FAAH2: variants seen among roughly 807,000 people sequenced by gnomAD.
FAAH2 encodes the protein fatty acid amide hydrolase 2, also known as fatty-acid amide hydrolase 2.
Under a neutral mutation model 36.9 loss-of-function variants are expected in FAAH2, and 60 were observed. That is an observed-to-expected ratio of 1.63 (90% confidence interval 1.32 to 2.02). FAAH2 has a LOEUF of 2.02. FAAH2 is among the 30% of genes most tolerant of loss of function. The probability of loss-of-function intolerance (pLI) is 0.00; values close to 1 mark genes in which losing one functional copy is unlikely to be tolerated. For synonymous variants in FAAH2, 214 were observed against 143.8 expected (o/e 1.49, Z -3.49); for missense variants, 689 against 397.5 (o/e 1.73, Z -6.23).
intron 7 of FAAH2, among the ~76,000 whole-genome samples, chrX:57,389,577 A>G: frequency 9.1e-6 from 1 of 110,204 alleles, no homozygotes; most frequent in African/African-American, 3.3e-5. Context: ...AGGCTGAATA[A>G]TATTCCAGTG....
the FAAH2 span, among the ~76,000 whole-genome samples, chrX:57,188,960 G>A: frequency 9.0e-6 from 1 of 111,404 alleles, no homozygotes; most frequent in Non-Finnish European, 1.9e-5. Context: ...AGTTCTCCTG[G>A]ATAATATCCT....
the FAAH2 span, among the ~76,000 whole-genome samples, chrX:57,254,727 G>T: frequency 1.8e-5 from 2 of 111,850 alleles, no homozygotes; most frequent in Admixed American, 1.9e-4. Context: ...TGAAACCAAT[G>T]AGAACAAAGA....
the FAAH2 span, among the ~76,000 whole-genome samples, chrX:57,124,102 G>A: frequency 3.4e-3 from 380 of 111,517 alleles, 3 homozygotes; most frequent in African/African-American, 0.012. Flanking sequence ...GAATGATATT[G>A]CCTAGGTTTT....
At chrX:57,247,341 T>A in the FAAH2 span, among the ~76,000 whole-genome samples, 3 of 111,958 alleles carry the variant, frequency 2.7e-5, no homozygotes, top group Non-Finnish European at 5.6e-5. Context: ...CAAACAGGCT[T>A]CCACTCAAGA....
intron 5 of FAAH2, among the ~76,000 whole-genome samples, chrX:57,361,826 AG>A (rs2054293242): frequency 9.0e-6 from 1 of 111,692 alleles, no homozygotes; most frequent in Non-Finnish European, 1.9e-5. Context: ...CTTATATGAC[AG>A]TTCTAGTGGT....
the FAAH2 span, among the ~76,000 whole-genome samples, chrX:57,153,809 C>T: frequency 1.9e-4 from 21 of 112,468 alleles, no homozygotes; most frequent in Admixed American, 1.2e-3. Context: ...TTTGTCTTGA[C>T]CTCAGATAAC....
At chrX:57,421,178 G>A (rs2056013441) in intron 7 of FAAH2, among the ~76,000 whole-genome samples, 2 of 112,212 alleles carry the variant, frequency 1.8e-5, no homozygotes, top group African/African-American at 3.2e-5. Context: ...GGGTGAAGTG[G>A]CCCACACCTT....
At chrX:57,468,641 C>T (rs1371886713) in intron 10 of FAAH2, among the ~76,000 whole-genome samples, 6 of 111,799 alleles carry the variant, frequency 5.4e-5, no homozygotes, top group African/African-American at 1.6e-4. Context: ...CTGAAACTGA[C>T]GGGGAGAATG....
At chrX:57,381,556 C>G (rs1011409495) in intron 7 of FAAH2, 1 of 687,742 alleles carries the variant, frequency 1.5e-6, no homozygotes, top group Non-Finnish European at 1.7e-6. Context: ...CAGCTTATTA[C>G]GTGGAAGCAA....
At chrX:57,223,071 C>T in the FAAH2 span, among the ~76,000 whole-genome samples, 1 of 112,364 alleles carries the variant, frequency 8.9e-6, no homozygotes, top group African/African-American at 3.2e-5. Context: ...ACATAGTGTA[C>T]TCACACTCGT....
chrX:57,149,713 T>A, the FAAH2 span, among the ~76,000 whole-genome samples: 2 of 111,660 alleles, frequency 1.8e-5, no homozygotes, highest in Non-Finnish European at 3.8e-5. Context: ...AAACAGCTCC[T>A]GGATTCATTA....
At chrX:57,337,792 A>G (rs2053590656) in intron 4 of FAAH2, among the ~76,000 whole-genome samples, 1 of 112,280 alleles carries the variant, frequency 8.9e-6, no homozygotes, top group Non-Finnish European at 1.9e-5. Flanking sequence ...ACTCACAGTC[A>G]ATATCACAAT....
chrX:57,406,526 C>T (rs2055571655), intron 7 of FAAH2, among the ~76,000 whole-genome samples: 1 of 112,103 alleles, frequency 8.9e-6, no homozygotes, highest in Non-Finnish European at 1.9e-5. Flanking sequence ...GGGGCTGCAC[C>T]AGCAACTTGT....
chrX:57,300,147 A>C (rs1421787262), intron 2 of FAAH2, among the ~76,000 whole-genome samples: 3 of 111,530 alleles, frequency 2.7e-5, no homozygotes, highest in East Asian at 2.8e-4. Flanking sequence ...CCGCATTGCC[A>C]AGTCAATCCT....
chrX:57,135,512 G>A, the FAAH2 span: 2 of 332,346 alleles, frequency 6.0e-6, no homozygotes, highest in Non-Finnish European at 5.1e-6. Context: ...TAAATCCAGT[G>A]CCATTTTTAA....
At chrX:57,209,127 C>T in the FAAH2 span, among the ~76,000 whole-genome samples, 4 of 111,829 alleles carry the variant, frequency 3.6e-5, no homozygotes, top group Non-Finnish European at 1.9e-5. Context: ...AGAACCAAGT[C>T]CTGGAATTGG....
chrX:57,333,672 C>A (rs190716046), intron 4 of FAAH2, among the ~76,000 whole-genome samples: 187 of 109,976 alleles, frequency 1.7e-3, no homozygotes, highest in Admixed American at 3.8e-3. Context: ...AAACAGGAAA[C>A]CTTCGGTGAT....
the FAAH2 span, among the ~76,000 whole-genome samples, chrX:57,213,566 T>A: frequency 8.9e-6 from 1 of 111,955 alleles, no homozygotes; most frequent in Admixed American, 9.5e-5. Flanking sequence ...TTGATTTCCA[T>A]TTTTATTTTA....
At chrX:57,227,969 G>A in the FAAH2 span, among the ~76,000 whole-genome samples, 5 of 111,670 alleles carry the variant, frequency 4.5e-5, no homozygotes, top group Non-Finnish European at 7.5e-5. Flanking sequence ...CACTCAAACC[G>A]AAGGGCTGGT....
Sources: gnomAD v4.1 joint callset for allele counts (sites outside exome capture counted in the v4.1 genomes callset) on GRCh38, gnomAD v4.1.1 for gene constraint, MANE v1.5 for transcripts, NCBI Gene and HGNC (gene_info 2026-07-23, HGNC 2026-07-21) for gene names.